Variants in DGKK observed in about 807,000 individuals in gnomAD.
DGKK encodes the protein diacylglycerol kinase kappa, also known as 142 kDa diacylglycerol kinase.
DGKK carries 35 observed loss-of-function variants against 92.2 expected under a neutral mutation model. The observed-to-expected ratio is 0.38, with a 90% CI of 0.29 to 0.50. DGKK has a LOEUF of 0.50. DGKK is among the 20% of genes least tolerant of loss of function. The pLI, the probability that DGKK is intolerant of heterozygous loss-of-function variation, is 0.92. For synonymous variants in DGKK, 368 were observed against 360.6 expected (o/e 1.02, Z -0.23); for missense variants, 910 against 992.2 (o/e 0.92, Z 1.11).
In DGKK at chrX:50,457,547, A is replaced by G. The variant is rs782378351; in HGVS notation, c.645+12487T>C. ...CTGTTTTATGTGCATTTGATTTTGT[A>G]AGATACTTCGTATCTTTTCTGGATG... On this transcript the variant is annotated intron_variant, in intron 1 of 27. Transcript: ENST00000611977. 1.1e-4 allele frequency among the ~76,000 whole-genome samples: 12 copies of G among 111,921 alleles called. 1 individual carries two copies. The South Asian group carries it at 4.1e-3, about 38-fold the overall frequency.
chrX:50,421,183 G>A (rs970575887), intron 3 of DGKK, among the ~76,000 whole-genome samples: 1 of 111,381 alleles, frequency 9.0e-6, no homozygotes, highest in Non-Finnish European at 1.9e-5. Flanking sequence ...CAAGAACCCA[G>A]GCAGGAATAA....
chrX:50,406,354 C>T lies in DGKK; in HGVS notation c.943-2170G>A, dbSNP rs931537186. Among the ~76,000 whole-genome samples, 4 of 111,827 alleles carry T rather than the reference C, an allele frequency of 3.6e-5. No homozygotes were observed. The South Asian group carries it at 1.1e-3, about 32-fold the overall frequency. Reference sequence around the variant, plus strand: ...TCCCACCCTGGATGAGTATGTGTGGCGATTGAACTGTGTCCCCTCAGAAAT... The same window carrying T: ...TCCCACCCTGGATGAGTATGTGTGGTGATTGAACTGTGTCCCCTCAGAAAT... On this transcript the variant is annotated intron_variant, in intron 4 of 27. Coordinates refer to ENST00000611977, the MANE Select transcript of DGKK (RefSeq NM_001013742.4).
intron 4 of DGKK, among the ~76,000 whole-genome samples, chrX:50,410,593 AAC>A (rs1925279249): frequency 1.8e-5 from 2 of 111,989 alleles, no homozygotes; most frequent in Admixed American, 9.5e-5. Context: ...ACAGAAATCC[AAC>A]TGGCAACTAT....
chrX:50,434,689 A>T (rs1925973667), intron 1 of DGKK, among the ~76,000 whole-genome samples: 1 of 111,369 alleles, frequency 9.0e-6, no homozygotes, highest in Admixed American at 9.5e-5. Context: ...GCAGGGAAAA[A>T]AAAAAACAGT....
intron 4 of DGKK, among the ~76,000 whole-genome samples, chrX:50,413,711 T>C (rs1925358975): frequency 8.9e-6 from 1 of 111,772 alleles, no homozygotes; most frequent in African/African-American, 3.3e-5. Flanking sequence ...AGATAATAAG[T>C]GTTGGAGAGG....
At chrX:50,418,984 A>G (rs782742748) in intron 4 of DGKK, among the ~76,000 whole-genome samples, 1 of 112,133 alleles carries the variant, frequency 8.9e-6, no homozygotes, top group Non-Finnish European at 1.9e-5. Context: ...AAGGAAAGAT[A>G]TTGGTCCACA....
intron 1 of DGKK, among the ~76,000 whole-genome samples, chrX:50,462,895 T>C (rs1361912841): frequency 1.6e-5 from 1 of 61,375 alleles, no homozygotes; most frequent in African/African-American, 8.7e-5. Context: ...TTTTTTTTTT[T>C]TTTTTTTTTT....
chrX:50,421,809 G>A (rs1435596290), intron 3 of DGKK, among the ~76,000 whole-genome samples: 2 of 111,973 alleles, frequency 1.8e-5, no homozygotes, highest in Non-Finnish European at 3.8e-5. Flanking sequence ...GCCTAAGCAG[G>A]AACTCCAGTC....
intron 4 of DGKK, among the ~76,000 whole-genome samples, chrX:50,417,452 C>G (rs1380156509): frequency 9.0e-6 from 1 of 110,659 alleles, no homozygotes; most frequent in Non-Finnish European, 1.9e-5. Context: ...AGGTCTATTT[C>G]TGTTTCCACG....
chrX:50,388,254 C>T (rs782277224), intron 13 of DGKK, among the ~76,000 whole-genome samples: 81 of 112,126 alleles, frequency 7.2e-4, no homozygotes, highest in African/African-American at 2.4e-3. Context: ...CTATGCTATG[C>T]TCCTAAATGG....
At chrX:50,444,383 T>C (rs1438893817) in intron 1 of DGKK, among the ~76,000 whole-genome samples, 1 of 111,110 alleles carries the variant, frequency 9.0e-6, no homozygotes, top group Non-Finnish European at 1.9e-5. Context: ...GACTATTTCG[T>C]CACCCAGGTA....
At chrX:50,370,686 AC>A (rs1924100792) in intron 26 of DGKK, 137 bp from the exon 27 acceptor site, 1 of 660,716 alleles carries the variant, frequency 1.5e-6, no homozygotes, top group Non-Finnish European at 2.2e-6. Context: ...TATGAGAAAC[AC>A]CCCCATCACT....
chrX:50,403,018 C>T (rs782476611), intron 7 of DGKK, 43 bp downstream of exon 7: 6 of 1,195,909 alleles, frequency 5.0e-6, no homozygotes, highest in Admixed American at 2.2e-5. Context: ...ACTCCCTCGC[C>T]AGGAGTTAAG....
chrX:50,371,015 T>C (rs1221851380), intron 26 of DGKK, among the ~76,000 whole-genome samples: 2 of 112,583 alleles, frequency 1.8e-5, no homozygotes, highest in Non-Finnish European at 3.7e-5. Context: ...TACCTTCTTA[T>C]AGGGAAGACC....
chrX:50,403,943 C>G lies in DGKK; in HGVS notation c.1078+106G>C, dbSNP rs1393947544. The G allele has an allele frequency of 3.0e-6, 3 of 985,875 alleles. No homozygotes were observed. The East Asian group carries it at 9.4e-5, about 31-fold the overall frequency. The allele number at this position is 985,875 out of a possible 1,213,427, so 81.2% of individuals were successfully genotyped here. On this transcript the variant is annotated intron_variant, in intron 5 of 27. Coordinates refer to ENST00000611977, the MANE Select transcript of DGKK (RefSeq NM_001013742.4). ...TCCTCAATCAGGGTTAACCTCACAC[C>G]AGAGTCAGTGACCTAGTATGAGTTA...
chrX:50,418,812 C>T (rs1228110558), intron 4 of DGKK, among the ~76,000 whole-genome samples: 2 of 111,190 alleles, frequency 1.8e-5, no homozygotes, highest in Non-Finnish European at 3.8e-5. Context: ...TCAGGGATGG[C>T]GCACCAATTC....
chrX:50,440,620 C>T (rs782600700), intron 1 of DGKK, among the ~76,000 whole-genome samples: 16 of 111,497 alleles, frequency 1.4e-4, no homozygotes, highest in Non-Finnish European at 2.5e-4. Flanking sequence ...TTACTGCATG[C>T]CTTTGGGAAG....
intron 4 of DGKK, among the ~76,000 whole-genome samples, chrX:50,417,964 A>G (rs1925479917): frequency 9.0e-6 from 1 of 111,314 alleles, no homozygotes; most frequent in Non-Finnish European, 1.9e-5. Flanking sequence ...TGGTGAAATG[A>G]ATTCTCCCTT....
intron 1 of DGKK, among the ~76,000 whole-genome samples, chrX:50,450,008 C>T (rs1397048009): frequency 8.9e-6 from 1 of 111,799 alleles, no homozygotes; most frequent in Admixed American, 9.5e-5. Context: ...GATGACTAGT[C>T]ATGTATACAC....
Sources: gnomAD v4.1 joint callset for allele counts (sites outside exome capture counted in the v4.1 genomes callset) on GRCh38, gnomAD v4.1.1 for gene constraint, MANE v1.5 for transcripts, NCBI Gene and HGNC (gene_info 2026-07-23, HGNC 2026-07-21) for gene names.